Variants in STK33 observed in about 807,000 individuals in gnomAD.
The protein encoded by STK33 is serine/threonine-protein kinase 33.
Under a neutral mutation model 58.0 loss-of-function variants are expected in STK33, and 52 were observed. The ratio of observed to expected loss-of-function variants is 0.90; its 90% CI spans 0.72 to 1.13. The LOEUF is 1.13. STK33 is among the 50% of genes most tolerant of loss of function. STK33 has a pLI of 0.00. For synonymous variants in STK33, 215 were observed against 200.1 expected (o/e 1.07, Z -0.63); for missense variants, 630 against 604.2 (o/e 1.04, Z -0.45).
At chr11:8,511,463 C>G (rs146367398) in intron 1 of STK33, among the ~76,000 whole-genome samples, 54 of 152,138 alleles carry the variant, frequency 3.5e-4, no homozygotes, top group Admixed American at 2.7e-3. Flanking sequence ...TCTGGGTGCC[C>G]TTTATTTATT....
intron 7 of STK33, 77 bp downstream of exon 7, chr11:8,464,632 G>A (rs995672014): frequency 2.1e-6 from 2 of 972,324 alleles, no homozygotes; most frequent in African/African-American, 1.6e-5. Flanking sequence ...GCTTGTGTTA[G>A]TGTAAAAAGC....
chr11:8,491,784 C>A lies in STK33; in HGVS notation c.-465-11170G>T, dbSNP rs554009174. Among the ~76,000 whole-genome samples, 361 of 152,290 alleles carry A rather than the reference C, an allele frequency of 2.4e-3. 1 individual carries two copies. Among genetic ancestry groups the A allele is most frequent in the African/African-American group, 8.2e-3 (341 of 41,564 alleles). The stretch of plus-strand genomic sequence containing the variant: ...CTACAAGCCAGAAGAGAGTGAGAGC[C>A]AATATTCAACATTCTTAAAGAAAAG... On this transcript the variant is annotated intron_variant, in intron 1 of 15. Coordinates refer to ENST00000687296, the MANE Select transcript of STK33 (RefSeq NM_001352389.2).
intron 14 of STK33, among the ~76,000 whole-genome samples, chr11:8,427,309 C>T (rs2136065064): frequency 6.6e-6 from 1 of 152,196 alleles, no homozygotes. Context: ...TTCTTGCATC[C>T]AATGTTGCTG....
At chr11:8,593,381 G>C (rs1217696207) in intron 1 of STK33, among the ~76,000 whole-genome samples, 3 of 152,076 alleles carry the variant, frequency 2.0e-5, no homozygotes, top group Middle Eastern at 3.2e-3. Flanking sequence ...ATATGGGACG[G>C]GGAGCACCAG....
At chr11:8,359,746 G>A in the STK33 span, among the ~76,000 whole-genome samples, 12 of 152,250 alleles carry the variant, frequency 7.9e-5, no homozygotes, top group Non-Finnish European at 1.3e-4. Context: ...TGTGGCCTGT[G>A]TCCCCTGAGT....
At chr11:8,584,181 G>C (rs186216089) in intron 1 of STK33, among the ~76,000 whole-genome samples, 1 of 151,486 alleles carries the variant, frequency 6.6e-6, no homozygotes, top group Non-Finnish European at 1.5e-5. Context: ...CCAAAATCTG[G>C]GACTTTGCTA....
chr11:8,494,335 C>T (rs1268746454), intron 1 of STK33, among the ~76,000 whole-genome samples: 1 of 152,042 alleles, frequency 6.6e-6, no homozygotes, highest in Non-Finnish European at 1.5e-5. Context: ...GAGTGAACTC[C>T]CATTCACAAT....
chr11:8,339,456 T>G, the STK33 span, among the ~76,000 whole-genome samples: 2 of 152,200 alleles, frequency 1.3e-5, no homozygotes, highest in African/African-American at 2.4e-5. Context: ...GGAGTAACCA[T>G]TTTTCAAAGG....
intron 7 of STK33, among the ~76,000 whole-genome samples, chr11:8,464,329 G>A (rs1036471378): frequency 2.0e-5 from 3 of 151,958 alleles, no homozygotes; most frequent in African/African-American, 7.3e-5. Flanking sequence ...GAGAGGATAG[G>A]AGAAAAGTAT....
chr11:8,435,635 C>T (rs1205195212), intron 13 of STK33, 56 bp from the exon 14 acceptor site: 6 of 1,098,836 alleles, frequency 5.5e-6, no homozygotes, highest in African/African-American at 1.6e-5. Flanking sequence ...TAATAGCATA[C>T]ATTTTACAAT....
chr11:8,517,218 C>A (rs147228595), intron 1 of STK33, among the ~76,000 whole-genome samples: 1 of 152,226 alleles, frequency 6.6e-6, no homozygotes, highest in East Asian at 1.9e-4. Context: ...CCCAAGCAAA[C>A]AGGGTCTAGA....
the STK33 span, among the ~76,000 whole-genome samples, chr11:8,340,669 C>T: frequency 2.6e-5 from 4 of 152,144 alleles, no homozygotes; most frequent in African/African-American, 4.8e-5. Context: ...GTCCCTGCTG[C>T]CTTCCAGCAC....
chr11:8,418,375 A>G (rs1043433178), intron 14 of STK33, among the ~76,000 whole-genome samples: 1 of 152,196 alleles, frequency 6.6e-6, no homozygotes, highest in African/African-American at 2.4e-5. Flanking sequence ...TTTGCTAAAG[A>G]TAACAGCCTC....
chr11:8,523,636 C>T (rs561201522), intron 1 of STK33, among the ~76,000 whole-genome samples: 72 of 151,748 alleles, frequency 4.7e-4, no homozygotes, highest in Non-Finnish European at 6.9e-4. Context: ...CATCTCCGCC[C>T]GGCAGCTGCC....
the STK33 span, among the ~76,000 whole-genome samples, chr11:8,337,462 G>A: frequency 1.3e-5 from 2 of 152,152 alleles, no homozygotes; most frequent in Non-Finnish European, 1.5e-5. Flanking sequence ...GGGGGCTTCT[G>A]CGCCCTCCTC....
At chr11:8,444,934 A>G (rs1435269256) in intron 11 of STK33, among the ~76,000 whole-genome samples, 2 of 152,024 alleles carry the variant, frequency 1.3e-5, no homozygotes, top group Non-Finnish European at 2.9e-5. Flanking sequence ...AAGAAAGCCA[A>G]TGGTAGCTTG....
At chr11:8,376,970 C>A in the STK33 span, among the ~76,000 whole-genome samples, 3 of 152,176 alleles carry the variant, frequency 2.0e-5, no homozygotes, top group Middle Eastern at 6.3e-3. Context: ...ACTGTAGAAG[C>A]CTTCGTAACC....
At chr11:8,530,063 C>T (rs369745419) in intron 1 of STK33, among the ~76,000 whole-genome samples, 12 of 152,266 alleles carry the variant, frequency 7.9e-5, no homozygotes, top group African/African-American at 2.6e-4. Context: ...GTATGAAGTC[C>T]TGCCTGCTCC....
chr11:8,527,023 G>A (rs1387843530), intron 1 of STK33, among the ~76,000 whole-genome samples: 1 of 147,528 alleles, frequency 6.8e-6, no homozygotes, highest in Non-Finnish European at 1.5e-5. Context: ...CCAGGCTGGC[G>A]TGCAATGACA....
Sources: gnomAD v4.1 joint callset for allele counts (sites outside exome capture counted in the v4.1 genomes callset) on GRCh38, gnomAD v4.1.1 for gene constraint, MANE v1.5 for transcripts, NCBI Gene and HGNC (gene_info 2026-07-23, HGNC 2026-07-21) for gene names.